DPYSL3: variants seen among roughly 807,000 people sequenced by gnomAD.
The protein encoded by DPYSL3 is dihydropyrimidinase-related protein 3.
DPYSL3 carries 16 observed loss-of-function variants against 66.1 expected under a neutral mutation model. The observed-to-expected ratio is 0.24, with a 90% CI of 0.16 to 0.37. DPYSL3 has a LOEUF of 0.37. Ranked by LOEUF, DPYSL3 falls within the 10% of genes least tolerant of loss-of-function variation. The pLI, the probability that DPYSL3 is intolerant of heterozygous loss-of-function variation, is 1.00. For synonymous variants in DPYSL3, 338 were observed against 345.1 expected (o/e 0.98, Z 0.23); for missense variants, 738 against 916.2 (o/e 0.81, Z 2.51).
At chr5:147,474,090 T>C (rs1393444444) in intron 1 of DPYSL3, among the ~76,000 whole-genome samples, 7 of 152,074 alleles carry the variant, frequency 4.6e-5, no homozygotes, top group Admixed American at 4.6e-4. Flanking sequence ...CTTAATCTTT[T>C]TGAGTTTGTT....
chr5:147,476,265 A>C (rs1753153601), intron 1 of DPYSL3, among the ~76,000 whole-genome samples: 1 of 152,196 alleles, frequency 6.6e-6, no homozygotes, highest in African/African-American at 2.4e-5. Flanking sequence ...TAAAAGAAGA[A>C]ATAAACTAAT....
In DPYSL3 at chr5:147,417,832, G is replaced by A. The variant is rs77282829; in HGVS notation, c.655+615C>T. ...AGATATGAATTGGTCAAAATACAGCGCAGACCATAAGCACTAAATGCAAGT... is the reference window on the plus strand; with the variant it reads ...AGATATGAATTGGTCAAAATACAGCACAGACCATAAGCACTAAATGCAAGT... On this transcript the variant is annotated intron_variant, in intron 3 of 13. Coordinates refer to ENST00000343218, the MANE Select transcript of DPYSL3 (RefSeq NM_001197294.2). Among the ~76,000 whole-genome samples the A allele has an allele frequency of 2.2e-3, 342 of 152,246 alleles. 2 individuals carry two copies. Among genetic ancestry groups the A allele is most frequent in the African/African-American group, 7.8e-3 (326 of 41,558 alleles).
chr5:147,484,945 T>A (rs1237903537), intron 1 of DPYSL3, among the ~76,000 whole-genome samples: 1 of 152,228 alleles, frequency 6.6e-6, no homozygotes, highest in Non-Finnish European at 1.5e-5. Flanking sequence ...CATTTAGAGT[T>A]TCTCACCAGC....
rs72833359 is a variant in DPYSL3 at position 147,499,406 on chromosome 5, C to A, written c.381+10072G>T. Among the ~76,000 whole-genome samples the A allele has an allele frequency of 9.1e-3, 1,379 of 152,084 alleles. 37 individuals are homozygous for A. Among genetic ancestry groups the A allele is most frequent in the Non-Finnish European group, 7.0e-3 (477 of 67,988 alleles). On this transcript the variant is annotated intron_variant, in intron 1 of 13. Transcript: ENST00000343218. ...ACATATAACCATTTACATTAGCACC[C>A]TGGAAATGAAATACTTAGGTATAAA... is the stretch of plus-strand genomic sequence containing the variant.
intron 1 of DPYSL3, among the ~76,000 whole-genome samples, chr5:147,435,981 C>T (rs1752407855): frequency 6.6e-6 from 1 of 152,086 alleles, no homozygotes; most frequent in African/African-American, 2.4e-5. Context: ...GAGAGGGCTG[C>T]CTGGCAGGAG....
At chr5:147,499,056 T>C (rs150850153) in intron 1 of DPYSL3, among the ~76,000 whole-genome samples, 8 of 152,204 alleles carry the variant, frequency 5.3e-5, no homozygotes, top group African/African-American at 1.9e-4. Context: ...GAGTTTGGGG[T>C]TTTACATTTC....
chr5:147,453,481 G>T, intron 1 of DPYSL3: 1 of 1,492,106 alleles, frequency 6.7e-7, no homozygotes, highest in Non-Finnish European at 9.0e-7. Context: ...GATCCGAGCC[G>T]ACCCCGCCCG....
intron 10 of DPYSL3, 59 bp downstream of exon 10, chr5:147,400,633 C>A (rs3213855): frequency 1.3e-6 from 2 of 1,582,050 alleles, no homozygotes; most frequent in East Asian, 2.3e-5. Flanking sequence ...GCAGGAGGTT[C>A]TGATCTGGCC....
chr5:147,461,884 G>A (rs1028407981), intron 1 of DPYSL3, among the ~76,000 whole-genome samples: 2 of 151,948 alleles, frequency 1.3e-5, no homozygotes, highest in African/African-American at 4.8e-5. Context: ...TAGTCTCTGG[G>A]GTAACAGCCA....
chr5:147,483,139 A>G (rs1335192200), intron 1 of DPYSL3, among the ~76,000 whole-genome samples: 1 of 152,192 alleles, frequency 6.6e-6, no homozygotes. Flanking sequence ...TAACTCAACT[A>G]TAATTATTTC....
rs1470155242 is a variant in DPYSL3, at chr5:147,393,341, A to G, written c.*694T>C. The G allele has an allele frequency of 6.6e-6, 1 of 152,310 alleles. No homozygotes were observed. The highest frequency in any genetic ancestry group is 1.5e-5 in the Non-Finnish European group (1 of 68,158). The allele number at this position is 152,310 out of a possible 1,614,324, so 9.4% of individuals were successfully genotyped here. On this transcript the variant is annotated 3_prime_UTR_variant, in exon 14 of 14. Coordinates refer to ENST00000343218, the MANE Select transcript of DPYSL3 (RefSeq NM_001197294.2). Reference sequence around the variant, plus strand: ...CACTAAGAAAGAGGCCTGAGCAAACACTGGCACAATCAAGCAGGTGGAAGA... The same window carrying G: ...CACTAAGAAAGAGGCCTGAGCAAACGCTGGCACAATCAAGCAGGTGGAAGA...
At chr5:147,414,595 C>T (rs534089034) in intron 4 of DPYSL3, among the ~76,000 whole-genome samples, 1 of 152,294 alleles carries the variant, frequency 6.6e-6, no homozygotes, top group South Asian at 2.1e-4. Flanking sequence ...AAAGCCTCTA[C>T]ATTATCCATG....
intron 1 of DPYSL3, among the ~76,000 whole-genome samples, chr5:147,484,582 G>A (rs570964316): frequency 1.9e-4 from 28 of 150,554 alleles, no homozygotes; most frequent in African/African-American, 6.3e-4. Context: ...ATAAAGAAAG[G>A]TTATTTCTCA....
At chr5:147,476,560 G>T (rs1753158527) in intron 1 of DPYSL3, among the ~76,000 whole-genome samples, 1 of 152,128 alleles carries the variant, frequency 6.6e-6, no homozygotes. Context: ...GAAAAGAGAT[G>T]AACCCCTTTG....
At chr5:147,465,152 C>G (rs905954394) in intron 1 of DPYSL3, among the ~76,000 whole-genome samples, 1 of 152,190 alleles carries the variant, frequency 6.6e-6, no homozygotes, top group African/African-American at 2.4e-5. Flanking sequence ...TGTGATCACA[C>G]TACTGCACTC....
chr5:147,500,093 A>G (rs560602599), intron 1 of DPYSL3, among the ~76,000 whole-genome samples: 1 of 152,346 alleles, frequency 6.6e-6, no homozygotes, highest in South Asian at 2.1e-4. Flanking sequence ...CTAGAAAATA[A>G]CACAGATGAC....
intron 1 of DPYSL3, among the ~76,000 whole-genome samples, chr5:147,491,682 A>G (rs1753417138): frequency 6.6e-6 from 1 of 152,152 alleles, no homozygotes; most frequent in African/African-American, 2.4e-5. Flanking sequence ...TAGATTAGAC[A>G]GAGCTGAGAA....
intron 1 of DPYSL3, among the ~76,000 whole-genome samples, chr5:147,432,983 G>A (rs1241396111): frequency 6.6e-6 from 1 of 152,152 alleles, no homozygotes; most frequent in Non-Finnish European, 1.5e-5. Context: ...CACGGATCAG[G>A]GAGATGTTAA....
intron 5 of DPYSL3, among the ~76,000 whole-genome samples, chr5:147,413,108 A>G (rs1751890472): frequency 6.6e-6 from 1 of 152,210 alleles, no homozygotes; most frequent in Non-Finnish European, 1.5e-5. Flanking sequence ...GTGAAGGCAG[A>G]CATACCTTCA....
Sources: gnomAD v4.1 joint callset for allele counts (sites outside exome capture counted in the v4.1 genomes callset) on GRCh38, gnomAD v4.1.1 for gene constraint, MANE v1.5 for transcripts, NCBI Gene and HGNC (gene_info 2026-07-23, HGNC 2026-07-21) for gene names.